The following CC2D2B variants were observed in gnomAD, a reference collection of about 807,000 sequenced individuals.
The protein encoded by CC2D2B is coiled-coil and C2 domain containing 2B.
A neutral mutation model predicts 161.2 loss-of-function variants in CC2D2B; 128 were observed. That is an observed-to-expected ratio of 0.79 (90% CI 0.69 to 0.92). The LOEUF is 0.92. Ranked by LOEUF, CC2D2B falls within the 40% of genes least tolerant of loss-of-function variation. The pLI is 0.00. For missense variants in CC2D2B, 1,173 were observed against 1,375.1 expected, an observed-to-expected ratio of 0.85 and a Z score of 2.32; for synonymous variants, 391 against 449.8, an observed-to-expected ratio of 0.87 and a Z score of 1.65.
intron 16 of CC2D2B, among the ~76,000 whole-genome samples, chr10:95,973,407 G>T (rs553960989): frequency 6.6e-6 from 1 of 152,162 alleles, no homozygotes; most frequent in Non-Finnish European, 1.5e-5. Flanking sequence ...GTCCTTTCTT[G>T]CTGGAAGCCA....
intron 10 of CC2D2B, among the ~76,000 whole-genome samples, chr10:95,952,101 T>G (rs753618411): frequency 1.3e-5 from 2 of 152,218 alleles, no homozygotes; most frequent in African/African-American, 2.4e-5. Flanking sequence ...ATGGATAATT[T>G]AGTCCCTGGG....
chr10:95,924,962 G>C, intron 5 of CC2D2B, 118 bp downstream of exon 5: 1 of 614,810 alleles, frequency 1.6e-6, no homozygotes, highest in South Asian at 2.7e-5. Context: ...TTAATTTACA[G>C]AATTGTTCAA....
chr10:95,988,968 T>C (rs1257626034), intron 20 of CC2D2B, among the ~76,000 whole-genome samples: 1 of 152,162 alleles, frequency 6.6e-6, no homozygotes, highest in African/African-American at 2.4e-5. Flanking sequence ...CTGATAAATG[T>C]TTGAGAAATT....
At chr10:95,921,217 G>A (rs2098526561) in intron 2 of CC2D2B, 1 of 152,366 alleles carries the variant, frequency 6.6e-6, no homozygotes, top group Non-Finnish European at 1.5e-5. Context: ...TTCCCGTCTG[G>A]CTAGGGCTTG....
intron 14 of CC2D2B, among the ~76,000 whole-genome samples, chr10:95,966,840 T>C (rs1409597345): frequency 6.6e-6 from 1 of 152,104 alleles, no homozygotes; most frequent in Non-Finnish European, 1.5e-5. Flanking sequence ...ATTTCTTCCT[T>C]GAGCTGTAAT....
chr10:95,982,834 C>T (rs1244957171), intron 18 of CC2D2B, among the ~76,000 whole-genome samples: 1 of 152,088 alleles, frequency 6.6e-6, no homozygotes, highest in South Asian at 2.1e-4. Context: ...TACAGTGGTG[C>T]GATCTCGGGT....
intron 14 of CC2D2B, among the ~76,000 whole-genome samples, chr10:95,967,430 C>T (rs1310488064): frequency 1.3e-5 from 2 of 151,822 alleles, no homozygotes; most frequent in Non-Finnish European, 2.9e-5. Flanking sequence ...TATATCTTTG[C>T]AAAGCCATTG....
At chr10:95,926,851 T>TGTGTGTGC (rs2098540105) in intron 5 of CC2D2B, among the ~76,000 whole-genome samples, 1 of 147,502 alleles carries the variant, frequency 6.8e-6, no homozygotes, top group Non-Finnish European at 1.5e-5. Flanking sequence ...TGTGTGTCTG[T>TGTGTGTGC]GTGTGTGTGT....
intron 32 of CC2D2B, among the ~76,000 whole-genome samples, chr10:96,021,761 A>G (rs932741352): frequency 6.6e-6 from 1 of 152,202 alleles, no homozygotes; most frequent in African/African-American, 2.4e-5. Flanking sequence ...ACTTTTGGGG[A>G]GAGAAAAAAA....
At position 95,961,663 on chromosome 10, in the gene CC2D2B, G is replaced by A. The variant is rs2076767997; in HGVS notation, c.1110-166G>A. The A allele has an allele frequency of 1.0e-5, 4 of 393,158 alleles. No individual in the cohort carries two copies. The Admixed American group carries it at 1.8e-4, about 18-fold the overall frequency. 24.4% of individuals were successfully genotyped at this position (393,158 alleles called of 1,614,324 possible). A position where few individuals can be genotyped will look rare whatever the true frequency, so the allele number is the denominator to read the frequency against. ...ACAAATTTCTAATGGAATTGCAGTG[G>A]GTAACATAAAATATAGTAAGATGGC... On this transcript the variant is annotated intron_variant, in intron 11 of 34. Transcript: ENST00000646931.
intron 27 of CC2D2B, 30 bp downstream of exon 27, chr10:96,012,397 A>G (rs571090048): frequency 8.7e-6 from 6 of 687,920 alleles, no homozygotes; most frequent in Middle Eastern, 3.5e-4. Flanking sequence ...TCTTTTATAT[A>G]TACCATCAAA....
intron 4 of CC2D2B, 84 bp downstream of exon 4, chr10:95,924,474 G>A (rs1474374968): frequency 8.1e-6 from 6 of 736,722 alleles, no homozygotes; most frequent in Admixed American, 6.3e-5. Context: ...TGTCAAAAGA[G>A]CCGAAATTCA....
intron 1 of CC2D2B, among the ~76,000 whole-genome samples, chr10:95,910,657 T>C (rs2098504733): frequency 6.6e-6 from 1 of 152,206 alleles, no homozygotes; most frequent in Non-Finnish European, 1.5e-5. Flanking sequence ...GAGACAAACA[T>C]CCAAATAGAT....
intron 22 of CC2D2B, among the ~76,000 whole-genome samples, chr10:95,993,874 T>A (rs1463858289): frequency 4.5e-5 from 3 of 67,196 alleles, no homozygotes; most frequent in Non-Finnish European, 8.4e-5. Context: ...AGAGAGAGTG[T>A]ATATATATAT....
Position 96,004,342 on chromosome 10 carries a change from T to A in CC2D2B, c.2946+94T>A. 1.0e-5 allele frequency: 7 copies of A among 677,312 alleles called. No homozygotes were observed. In the South Asian group the frequency reaches 1.6e-4, roughly 16 times the overall value. The allele number at this position is 677,312 out of a possible 1,614,324, so 42.0% of individuals were successfully genotyped here. A position where few individuals can be genotyped will look rare whatever the true frequency, so the allele number is the denominator to read the frequency against. ...ACATGTTTGTAAATATGCTTTTAGATGCAATGTCTACATCCAACATTTTCT... is the reference window on the plus strand; with the variant it reads ...ACATGTTTGTAAATATGCTTTTAGAAGCAATGTCTACATCCAACATTTTCT... On this transcript the variant is annotated intron_variant, in intron 25 of 34. Coordinates refer to ENST00000646931, the MANE Select transcript of CC2D2B (RefSeq NM_001349008.3).
At chr10:95,954,014 A>G (rs1403693831) in intron 10 of CC2D2B, among the ~76,000 whole-genome samples, 2 of 152,204 alleles carry the variant, frequency 1.3e-5, no homozygotes, top group Non-Finnish European at 2.9e-5. Context: ...AATGGCTGCA[A>G]ATAGCTGCAC....
At chr10:95,935,396 C>T (rs2075783583) in intron 6 of CC2D2B, among the ~76,000 whole-genome samples, 2 of 152,196 alleles carry the variant, frequency 1.3e-5, no homozygotes, top group Admixed American at 1.3e-4. Context: ...ATCACTGCCA[C>T]TGTCTCCCTC....
intron 15 of CC2D2B, among the ~76,000 whole-genome samples, chr10:95,969,993 C>T (rs1039953015): frequency 6.6e-6 from 1 of 151,568 alleles, no homozygotes; most frequent in African/African-American, 2.4e-5. Flanking sequence ...CAAAATAAAT[C>T]GATATGCCCT....
intron 5 of CC2D2B, 25 bp from the exon 6 acceptor site, chr10:95,927,212 A>C: frequency 7.6e-7 from 1 of 1,323,030 alleles, no homozygotes. Flanking sequence ...TGTTTATTTC[A>C]ACACTAAATA....
Sources: allele counts gnomAD v4.1 joint callset (sites outside exome capture counted in the v4.1 genomes callset), GRCh38; gene constraint gnomAD v4.1.1; transcripts MANE v1.5; gene names NCBI Gene and HGNC (gene_info 2026-07-23, HGNC 2026-07-21).